Variants in TET2 observed in about 807,000 individuals in gnomAD.
The protein encoded by TET2 is tet methylcytosine dioxygenase 2, also known as methylcytosine dioxygenase TET2.
TET2 carries 299 observed loss-of-function variants against 142.9 expected under a neutral mutation model. That is an observed-to-expected ratio of 2.09 (90% CI 1.90 to 2.30). The LOEUF (loss-of-function observed/expected upper bound fraction) is 2.30. TET2 is among the 30% of genes most tolerant of loss of function. TET2 has a pLI of 0.00. For missense variants in TET2, 2,418 were observed against 2,378.0 expected (o/e 1.02, Z -0.35); for synonymous variants, 819 against 849.0 (o/e 0.96, Z 0.61).
At chr4:105,241,257 T>C (rs999488625) in intron 3 of TET2, 82 bp from the exon 4 acceptor site, 59 of 1,433,302 alleles carry the variant, frequency 4.1e-5, no homozygotes, top group African/African-American at 3.0e-4. Context: ...TAATGTGTAG[T>C]TGGGGGTTAA....
chr4:105,223,974 T>C (rs1328906392), intron 2 of TET2, among the ~76,000 whole-genome samples: 1 of 152,108 alleles, frequency 6.6e-6, no homozygotes, highest in Non-Finnish European at 1.5e-5. Context: ...TAGAGTAATT[T>C]ATATATACTT....
rs930891452 is a variant in TET2, at chr4:105,235,167, C to T, written c.1225C>T (p.Pro409Ser). Reference protein sequence around the residue: ...PPPSQLLLSPPPPLPQVPQLP... With the variant: ...PPPSQLLLSPSPPLPQVPQLP... ...ACCATCACAATTGCTTCTTTCTCCC[C>T]CTCCTCCTCTTCCACAGGTTCCTCA... Residue 409 changes from proline (P) to serine (S), a missense_variant, in exon 3 of 11, where the codon CCT (proline) becomes TCT (serine). By Grantham distance (74) the Pro-to-Ser change is moderately conservative. Transcript: ENST00000380013. The T allele has an allele frequency of 1.9e-6, 3 of 1,613,856 alleles. No individual in the cohort carries two copies. The highest frequency in any genetic ancestry group is 2.2e-5 in the East Asian group (1 of 44,878).
intron 6 of TET2, among the ~76,000 whole-genome samples, chr4:105,244,261 A>G (rs1467959791): frequency 6.6e-6 from 1 of 152,236 alleles, no homozygotes; most frequent in African/African-American, 2.4e-5. Flanking sequence ...ACTGATTTTT[A>G]CTTTCATTCA....
intron 2 of TET2, among the ~76,000 whole-genome samples, chr4:105,211,162 C>T (rs935497277): frequency 1.1e-4 from 16 of 152,092 alleles, no homozygotes; most frequent in African/African-American, 2.9e-4. Context: ...ATCATTCTTC[C>T]AGGTCATTCT....
rs1474642172 is a variant in TET2 at position 105,176,787 on chromosome 4, G to GTGAAAACCCGTCTCTACTAAAAATA, written c.-192-13573_-192-13572insTGAAAACCCGTCTCTACTAAAAATA. Among the ~76,000 whole-genome samples, 21 of 152,244 alleles carry GTGAAAACCCGTCTCTACTAAAAATA rather than the reference G, an allele frequency of 1.4e-4. No individual in the cohort carries two copies. The East Asian group carries it at 3.9e-3, about 28-fold the overall frequency. On this transcript the variant is annotated intron_variant, in intron 1 of 10. Coordinates refer to ENST00000380013, the MANE Select transcript of TET2 (RefSeq NM_001127208.3). ...AGGATTCTAAAGTTTATATGGAGAG[G>GTGAAAACCCGTCTCTACTAAAAATA]CAAAAGAGCAGAATAGCCAACTCAG...
rs148683200 is a variant in TET2 at position 105,234,557 on chromosome 4, G to A, written c.615G>A (p.Val205=). ...KNIVLLKNKA[V]LMPNGATVSA... ...TTGTATTACTTAAAAACAAGGCAGT[G>A]CTAATGCCTAATGGTGCTACAGTTT... Residue 205 remains valine, a synonymous_variant, in exon 3 of 11, where the codon GTG becomes GTA. Transcript: ENST00000380013. 10 of 1,614,050 alleles carry A rather than the reference G, an allele frequency of 6.2e-6. No individual in the cohort carries two copies. The highest frequency in any genetic ancestry group is 8.5e-6 in the Non-Finnish European group (10 of 1,180,016).
Position 105,237,068 on chromosome 4 carries a change from C to T in TET2, c.3126C>T (p.Asp1042=), listed in dbSNP as rs763410587. The T allele has an allele frequency of 6.2e-7, 1 of 1,614,118 alleles. No individual in the cohort carries two copies. Among genetic ancestry groups the T allele is most frequent in the South Asian group, 1.1e-5 (1 of 91,080 alleles). The part of the protein sequence containing the change: ...LKQFHAKSLF[D]HKALTLKSQK... The stretch of plus-strand genomic sequence containing the variant: ...AGTTTCACGCCAAGTCGTTATTTGA[C>T]CATAAGGCTCTTACTCTCAAATCAC... Residue 1042 remains aspartate (D), a synonymous_variant, in exon 3 of 11, where the codon GAC becomes GAT. Coordinates refer to ENST00000380013, the MANE Select transcript of TET2 (RefSeq NM_001127208.3).
intron 2 of TET2, among the ~76,000 whole-genome samples, chr4:105,193,822 G>T (rs1256378506): frequency 1.3e-5 from 2 of 152,160 alleles, no homozygotes; most frequent in African/African-American, 4.8e-5. Context: ...TTTGATATTT[G>T]TCATATAGGC....
At chr4:105,183,011 A>C (rs562405380) in intron 1 of TET2, among the ~76,000 whole-genome samples, 35 of 152,306 alleles carry the variant, frequency 2.3e-4, no homozygotes, top group African/African-American at 7.7e-4. Context: ...GTTCATGTAT[A>C]CCTAATACTT....
At chr4:105,216,286 G>A (rs190636593) in intron 2 of TET2, among the ~76,000 whole-genome samples, 4 of 152,158 alleles carry the variant, frequency 2.6e-5, no homozygotes, top group East Asian at 1.9e-4. Flanking sequence ...GAAACAGGTC[G>A]GGGGGAGGAG....
At chr4:105,223,513 G>A (rs965936881) in intron 2 of TET2, among the ~76,000 whole-genome samples, 5 of 152,118 alleles carry the variant, frequency 3.3e-5, no homozygotes, top group Admixed American at 6.6e-5. Context: ...GAAATGGAGA[G>A]AACTTAATAG....
At chr4:105,157,636 G>C (rs1189846479) in intron 1 of TET2, among the ~76,000 whole-genome samples, 2 of 152,022 alleles carry the variant, frequency 1.3e-5, no homozygotes, top group Non-Finnish European at 2.9e-5. Context: ...ACTTGAAAAA[G>C]ACGTTTGGTT....
chr4:105,176,663 A>G (rs1724813165), intron 1 of TET2, among the ~76,000 whole-genome samples: 1 of 152,202 alleles, frequency 6.6e-6, no homozygotes, highest in Non-Finnish European at 1.5e-5. Context: ...GAGATGTTAC[A>G]TGTTCATTGT....
rs1374020387 is a variant in TET2, at chr4:105,279,196, G to A, written c.*2677G>A. The A allele has an allele frequency of 4.3e-6, 1 of 232,166 alleles. No homozygotes were observed. The highest frequency in any genetic ancestry group is 6.1e-5 in the East Asian group (1 of 16,402). 14.4% of individuals were successfully genotyped at this position (232,166 alleles called of 1,614,324 possible). On this transcript the variant is annotated 3_prime_UTR_variant, in exon 11 of 11. Transcript: ENST00000380013. ...ACATTTGATTACTACATGTGCATTG[G>A]TGATTTTGATCATCCATTCTTAATA...
At chr4:105,156,829 C>A (rs777877193) in intron 1 of TET2, among the ~76,000 whole-genome samples, 1 of 152,136 alleles carries the variant, frequency 6.6e-6, no homozygotes, top group Non-Finnish European at 1.5e-5. Flanking sequence ...ACAATGAGAC[C>A]ACACCCAGAT....
chr4:105,235,810 AAAC>A lies in TET2; in HGVS notation c.1873_1875del (p.Thr625del). ...CTCCCAAGGCAAGCTTACACCCAGA[AAAC>A]AACACAGCTGGAGCACAAGTCACAA... On this transcript the variant is annotated inframe_deletion, in exon 3 of 11. Coordinates refer to ENST00000380013, the MANE Select transcript of TET2 (RefSeq NM_001127208.3). The A allele has an allele frequency of 6.2e-7, 1 of 1,614,134 alleles. No homozygotes were observed.
At position 105,272,895 on chromosome 4, in the gene TET2, C is replaced by A; in HGVS notation, c.4514C>A (p.Ala1505Glu). The change falls in exon 10 of 11, where the codon GCA becomes GAA. Residue 1505 changes from alanine (A) to glutamate (E), a missense_variant. Physicochemically the swap from Ala to Glu is moderately radical, Grantham distance 107. Coordinates refer to ENST00000380013, the MANE Select transcript of TET2 (RefSeq NM_001127208.3). ...APSRTKQTENASQAKQLAELL... is the reference protein window; with the variant it reads ...APSRTKQTENESQAKQLAELL... ...TCACGTACAAAACAAACTGAAAACGCAAGCCAGGCTAAACAGTTGGCAGGT... is the reference window on the plus strand; with the variant it reads ...TCACGTACAAAACAAACTGAAAACGAAAGCCAGGCTAAACAGTTGGCAGGT... 6.5e-7 allele frequency: 1 copy of A among 1,542,614 alleles called. No homozygotes were observed. Among genetic ancestry groups the A allele is most frequent in the Non-Finnish European group, 8.7e-7 (1 of 1,143,800 alleles).
At chr4:105,198,851 A>G (rs1470355830) in intron 2 of TET2, among the ~76,000 whole-genome samples, 1 of 152,188 alleles carries the variant, frequency 6.6e-6, no homozygotes, top group Non-Finnish European at 1.5e-5. Context: ...TCAAAACATG[A>G]TAGTCTCATT....
chr4:105,192,994 T>TAAAAG (rs1725873127), intron 2 of TET2, among the ~76,000 whole-genome samples: 1 of 152,116 alleles, frequency 6.6e-6, no homozygotes, highest in Non-Finnish European at 1.5e-5. Context: ...AGTAAAAGGT[T>TAAAAG]TTATGCAGAG....
Sources: allele counts gnomAD v4.1 joint callset (sites outside exome capture counted in the v4.1 genomes callset), GRCh38; gene constraint gnomAD v4.1.1; transcripts MANE v1.5; gene names NCBI Gene and HGNC (gene_info 2026-07-23, HGNC 2026-07-21).